Variants in PLCB1 observed in about 807,000 individuals in gnomAD.
PLCB1 encodes 1-phosphatidylinositol 4,5-bisphosphate phosphodiesterase beta-1.
Under a neutral mutation model 161.8 loss-of-function variants are expected in PLCB1, and 46 were observed. The ratio of observed to expected loss-of-function variants is 0.28; its 90% CI spans 0.22 to 0.36. PLCB1 has a LOEUF of 0.36. Among genes scored for constraint, PLCB1 ranks in the 10% least tolerant of loss-of-function variants. The pLI is 1.00. For missense variants in PLCB1, 1,016 were observed against 1,472.5 expected (o/e 0.69, Z 5.07); for synonymous variants, 517 against 503.7 (o/e 1.03, Z -0.35).
chr20:8,745,964 C>A (rs897375316), intron 23 of PLCB1, among the ~76,000 whole-genome samples: 2 of 152,176 alleles, frequency 1.3e-5, no homozygotes, highest in East Asian at 3.9e-4. Flanking sequence ...CAGAGTCTCG[C>A]TCTGTCGTCC....
chr20:8,218,638 C>T (rs1315127880), intron 2 of PLCB1, among the ~76,000 whole-genome samples: 2 of 150,808 alleles, frequency 1.3e-5, no homozygotes, highest in African/African-American at 4.9e-5. Context: ...TAGCTATTGA[C>T]AAATAAAAAT....
intron 20 of PLCB1, among the ~76,000 whole-genome samples, chr20:8,737,754 G>C (rs1361436294): frequency 1.3e-5 from 2 of 152,162 alleles, no homozygotes; most frequent in African/African-American, 4.8e-5. Context: ...GTGGGAAGTA[G>C]ACTTTTTAGC....
chr20:8,780,102 T>G (rs563523458), intron 27 of PLCB1, among the ~76,000 whole-genome samples: 1 of 152,344 alleles, frequency 6.6e-6, no homozygotes, highest in South Asian at 2.1e-4. Flanking sequence ...TTCATTTATC[T>G]GTTTTTCATC....
rs1263536664 is a variant in PLCB1, at chr20:8,789,592, C to T, written c.3336+17C>T. 15 of 1,580,992 alleles carry T rather than the reference C, an allele frequency of 9.5e-6. No homozygotes were observed. Among genetic ancestry groups the T allele is most frequent in the East Asian group, 6.7e-5 (3 of 44,726 alleles). Reference sequence around the variant, plus strand: ...ATCAAGAGGGTATGTGGGCTCATCACGCTCTCTCCTTTGCAAAACATGTGT... The same window carrying T: ...ATCAAGAGGGTATGTGGGCTCATCATGCTCTCTCCTTTGCAAAACATGTGT... On this transcript the variant is annotated intron_variant, in intron 30 of 31. Transcript: ENST00000338037.
chr20:8,264,124 TTTC>T (rs1296201731), intron 2 of PLCB1, among the ~76,000 whole-genome samples: 3 of 152,156 alleles, frequency 2.0e-5, no homozygotes, highest in African/African-American at 7.2e-5. Context: ...ATTCTATAAG[TTTC>T]TTCAATTTTT....
At chr20:8,789,758 A>G (rs950129148) in intron 30 of PLCB1, among the ~76,000 whole-genome samples, 183 bp downstream of exon 30, 8 of 152,218 alleles carry the variant, frequency 5.3e-5, no homozygotes, top group South Asian at 2.1e-4. Context: ...ATTGCAAACC[A>G]CTTTGTAAAA....
At chr20:8,409,306 A>G (rs1310200096) in intron 3 of PLCB1, among the ~76,000 whole-genome samples, 1 of 152,182 alleles carries the variant, frequency 6.6e-6, no homozygotes, top group Admixed American at 6.5e-5. Flanking sequence ...CTATGCTACA[A>G]GCCTTTTCTA....
intron 2 of PLCB1, among the ~76,000 whole-genome samples, chr20:8,202,867 C>G (rs536933215): frequency 3.9e-5 from 6 of 152,006 alleles, no homozygotes; most frequent in Non-Finnish European, 8.8e-5. Context: ...AATGTGGGAG[C>G]AGAGATGAGG....
chr20:8,765,176 G>T lies in PLCB1; in HGVS notation c.2748G>T (p.Gln916His). ...AGACCATCGAAGAACTAAAGCAACA[G>T]AAATCGTTTGTGAAACTTCAAAAGA... ...EAQTIEELKQ[Q>H]KSFVKLQKKH... The change falls in exon 26 of 32, where the codon CAG (glutamine) becomes CAT (histidine). Residue 916 changes from glutamine to histidine, a missense_variant. Physicochemically the swap from Gln to His is conservative, Grantham distance 24. Coordinates refer to ENST00000338037, the MANE Select transcript of PLCB1 (RefSeq NM_015192.4). 1 of 1,613,942 alleles carries T rather than the reference G, an allele frequency of 6.2e-7. No individual in the cohort carries two copies. Among genetic ancestry groups the T allele is most frequent in the Non-Finnish European group, 8.5e-7 (1 of 1,179,984 alleles).
chr20:8,657,588 T>C (rs1409883372), intron 8 of PLCB1, among the ~76,000 whole-genome samples: 1 of 152,028 alleles, frequency 6.6e-6, no homozygotes, highest in Admixed American at 6.6e-5. Flanking sequence ...TTAGCAGAAA[T>C]AGACTCATGT....
rs188615611 is a variant in PLCB1, at chr20:8,283,483, T to C, written c.178-87899T>C. Among the ~76,000 whole-genome samples the C allele has an allele frequency of 3.7e-3, 553 of 151,382 alleles. 5 individuals are homozygous for C. Among genetic ancestry groups the C allele is most frequent in the African/African-American group, 0.013 (516 of 41,280 alleles). ...TGCTTTTTCTTTTTTTAATAATAAATGCTCTAACATTCTAACAGTCTTTAA... is the reference window on the plus strand; with the variant it reads ...TGCTTTTTCTTTTTTTAATAATAAACGCTCTAACATTCTAACAGTCTTTAA... On this transcript the variant is annotated intron_variant, in intron 2 of 31. Coordinates refer to ENST00000338037, the MANE Select transcript of PLCB1 (RefSeq NM_015192.4).
In PLCB1 at chr20:8,512,593, ACATTTATGGGGTG is replaced by A. The variant is rs1490756979; in HGVS notation, c.247-115685_247-115673del. On this transcript the variant is annotated intron_variant, in intron 3 of 31. Coordinates refer to ENST00000338037, the MANE Select transcript of PLCB1 (RefSeq NM_015192.4). ...TTTAATTGATAAATAATAATTATAT[ACATTTATGGGGTG>A]CATTTATGGGGTGCAATGTATACAT... 3.9e-5 allele frequency among the ~76,000 whole-genome samples: 6 copies of A among 152,168 alleles called. No individual in the cohort carries two copies. In the South Asian group the frequency reaches 8.3e-4, roughly 21 times the overall value.
intron 2 of PLCB1, among the ~76,000 whole-genome samples, chr20:8,307,183 GAGACCTA>G: frequency 6.6e-6 from 1 of 152,334 alleles, no homozygotes; most frequent in South Asian, 2.1e-4. Context: ...AGCATGCCTG[GAGACCTA>G]AGAGTGGGAG....
chr20:8,879,595 CAGAAAAAGAAAA>C (rs537442614), intron 31 of PLCB1, among the ~76,000 whole-genome samples: 1 of 148,274 alleles, frequency 6.7e-6, no homozygotes, highest in African/African-American at 2.5e-5. Context: ...ACAAATTTGC[CAGAAAAAGAAAA>C]AGAAAAAGAA....
chr20:8,563,140 A>T (rs1049916798), intron 3 of PLCB1, among the ~76,000 whole-genome samples: 2 of 152,064 alleles, frequency 1.3e-5, no homozygotes, highest in Non-Finnish European at 2.9e-5. Flanking sequence ...AAAATTCTCA[A>T]TTGGAGTAGT....
chr20:8,708,798 G>A, intron 12 of PLCB1, 46 bp downstream of exon 12: 1 of 1,075,064 alleles, frequency 9.3e-7, no homozygotes, highest in Non-Finnish European at 1.4e-6. Flanking sequence ...CCCGAATAGG[G>A]CATACTGAGT....
chr20:8,761,080 T>C (rs1038599320), intron 25 of PLCB1, among the ~76,000 whole-genome samples: 1 of 151,996 alleles, frequency 6.6e-6, no homozygotes. Context: ...AGCTGTAAGG[T>C]AGGTAAATAA....
intron 2 of PLCB1, among the ~76,000 whole-genome samples, chr20:8,258,133 A>G (rs1981517799): frequency 6.6e-6 from 1 of 152,174 alleles, no homozygotes; most frequent in Non-Finnish European, 1.5e-5. Context: ...GATTTTTTTA[A>G]AAAGAAACAT....
Position 8,414,972 on chromosome 20 carries a change from A to G in PLCB1, c.246+43522A>G, listed in dbSNP as rs544182868. 1.8e-3 allele frequency among the ~76,000 whole-genome samples: 267 copies of G among 152,184 alleles called. 1 individual carries two copies. The highest frequency in any genetic ancestry group is 6.3e-3 in the African/African-American group (261 of 41,524). Reference sequence around the variant, plus strand: ...TCCAGGCAAGTGGTTTGCTCCTGAAAGTTCCAGAGGCCCTGCCCTAGAGCA... The same window carrying G: ...TCCAGGCAAGTGGTTTGCTCCTGAAGGTTCCAGAGGCCCTGCCCTAGAGCA... On this transcript the variant is annotated intron_variant, in intron 3 of 31. Coordinates refer to ENST00000338037, the MANE Select transcript of PLCB1 (RefSeq NM_015192.4).
Sources: gnomAD v4.1 joint callset for allele counts (sites outside exome capture counted in the v4.1 genomes callset) on GRCh38, gnomAD v4.1.1 for gene constraint, MANE v1.5 for transcripts, NCBI Gene and HGNC (gene_info 2026-07-23, HGNC 2026-07-21) for gene names.